Variants in TPI1 observed in about 807,000 individuals in gnomAD.
The protein encoded by TPI1 is triosephosphate isomerase 1.
In TPI1, 11 loss-of-function variants were observed where a neutral mutation model predicts 31.0. The observed-to-expected ratio is 0.36, with a 90% confidence interval of 0.22 to 0.59. The LOEUF is 0.59. Ranked by LOEUF, TPI1 falls within the 20% of genes least tolerant of loss-of-function variation. The pLI, the probability that TPI1 is intolerant of heterozygous loss-of-function variation, is 0.79. For missense variants in TPI1, 245 were observed against 319.7 expected (o/e 0.77, Z 1.78); for synonymous variants, 121 against 122.8 (o/e 0.99, Z 0.10).
rs183278961 is a variant in TPI1, at chr12:6,868,128, C to T, written c.115+447C>T. 4.3e-5 allele frequency: 55 copies of T among 1,270,914 alleles called. No individual in the cohort carries two copies. The East Asian group carries it at 2.9e-3, about 68-fold the overall frequency. The allele number at this position is 1,270,914 out of a possible 1,614,324, so 78.7% of individuals were successfully genotyped here. A position where few individuals can be genotyped will look rare whatever the true frequency, so the allele number is the denominator to read the frequency against. On this transcript the variant is annotated intron_variant, in intron 1 of 6. Transcript: ENST00000396705. ...TCCTCCCCTTCCTCGCCGGCGTCCG[C>T]GTCCCCGCGCCGAGCTGCTCGGGCT...
Position 6,868,022 on chromosome 12 carries a change from G to A in TPI1, c.115+341G>A, listed in dbSNP as rs1266276295. 9.7e-5 allele frequency: 115 copies of A among 1,186,726 alleles called. 1 individual carries two copies. Among genetic ancestry groups the A allele is most frequent in the Non-Finnish European group, 1.2e-4 (108 of 931,666 alleles). 73.5% of individuals were successfully genotyped at this position (1,186,726 alleles called of 1,614,324 possible). The stretch of plus-strand genomic sequence containing the variant: ...GGAGCCCGAGGCTCTGCGGGAGACC[G>A]GGGGAGGCTGGGCCGCGTGGGCTTC... On this transcript the variant is annotated intron_variant, in intron 1 of 6. Coordinates refer to ENST00000396705, the MANE Select transcript of TPI1 (RefSeq NM_000365.6).
At chr12:6,869,030 CT>C in intron 2 of TPI1, 43 bp downstream of exon 2, 1 of 1,614,172 alleles carries the variant, frequency 6.2e-7, no homozygotes, top group South Asian at 1.1e-5. Flanking sequence ...CCTTCCCTCA[CT>C]TTCCTCGTTG....
upstream of TPI1, chr12:6,867,428 G>T: frequency 6.8e-7 from 1 of 1,465,360 alleles, no homozygotes. Context: ...GCGGGCGGGG[G>T]GCAGGGCTCC....
In TPI1 at chr12:6,868,038, C is replaced by G. The variant is rs1299528654; in HGVS notation, c.115+357C>G. ...CGGGAGACCGGGGGAGGCTGGGCCG[C>G]GTGGGCTTCCCGCTCCCTGCGCCCT... On this transcript the variant is annotated intron_variant, in intron 1 of 6. Transcript: ENST00000396705. 7.4e-6 allele frequency: 9 copies of G among 1,221,008 alleles called. No homozygotes were observed. The African/African-American group carries it at 1.5e-4, about 20-fold the overall frequency. The allele number at this position is 1,221,008 out of a possible 1,614,324, so 75.6% of individuals were successfully genotyped here. A position where few individuals can be genotyped will look rare whatever the true frequency, so the allele number is the denominator to read the frequency against.
At chr12:6,868,600 A>C in intron 1 of TPI1, 3 of 1,343,766 alleles carry the variant, frequency 2.2e-6, no homozygotes, top group Non-Finnish European at 9.7e-7. Flanking sequence ...AGCTCGAGGA[A>C]ATTGGAGCCC....
chr12:6,870,911 G>GAAAA lies in TPI1; in HGVS notation c.*538_*541dup. Reference sequence around the variant, plus strand: ...GCTATATAAATGATCATTTGTGCAAGAAAAAAAAAAAAACAAGAACAGGTT... The same window carrying GAAAA: ...GCTATATAAATGATCATTTGTGCAAGAAAAAAAAAAAAAAAAACAAGAACAGGTT... On this transcript the variant is annotated 3_prime_UTR_variant, in exon 7 of 7. Transcript: ENST00000396705. The GAAAA allele has an allele frequency of 5.5e-6, 3 of 542,872 alleles. No homozygotes were observed. The highest frequency in any genetic ancestry group is 7.5e-5 in the East Asian group (2 of 26,782). 33.6% of individuals were successfully genotyped at this position (542,872 alleles called of 1,614,324 possible). A position where few individuals can be genotyped will look rare whatever the true frequency, so the allele number is the denominator to read the frequency against.
chr12:6,868,157 T>G, intron 1 of TPI1: 2 of 1,131,264 alleles, frequency 1.8e-6, no homozygotes, highest in Non-Finnish European at 2.2e-6. Flanking sequence ...TCGGGCTCCC[T>G]GAGCCCCAGA....
intron 1 of TPI1, chr12:6,868,026 G>A (rs147738509): frequency 2.8e-4 from 336 of 1,205,002 alleles, no homozygotes; most frequent in Non-Finnish European, 3.4e-4. Context: ...GAGACCGGGG[G>A]AGGCTGGGCC....
chr12:6,869,547 C>T, intron 4 of TPI1, 141 bp from the exon 5 acceptor site: 1 of 1,470,302 alleles, frequency 6.8e-7, no homozygotes, highest in Non-Finnish European at 9.5e-7. Context: ...ATGACTTCTC[C>T]AGCCCCAAGG....
intron 1 of TPI1, chr12:6,868,363 C>T: frequency 7.8e-7 from 1 of 1,287,990 alleles, no homozygotes; most frequent in Non-Finnish European, 1.0e-6. Context: ...CTCCTCCATC[C>T]TCCTTCCTCC....
chr12:6,870,716 C>T lies in TPI1; in HGVS notation c.*333C>T, dbSNP rs1804541. The T allele has an allele frequency of 1.8e-6, 1 of 562,694 alleles. No homozygotes were observed. Among genetic ancestry groups the T allele is most frequent in the East Asian group, 4.4e-5 (1 of 22,544 alleles). The allele number at this position is 562,694 out of a possible 1,614,324, so 34.9% of individuals were successfully genotyped here. A position where few individuals can be genotyped will look rare whatever the true frequency, so the allele number is the denominator to read the frequency against. On this transcript the variant is annotated 3_prime_UTR_variant, in exon 7 of 7. Transcript: ENST00000396705. ...AGAAACCATCCTCTCCCTTCTTACA[C>T]CGTGAGGCCAAGATCCCCTCAGAAG... is the stretch of plus-strand genomic sequence containing the variant.
Position 6,870,064 on chromosome 12 carries a change from G to T in TPI1, c.559G>T (p.Glu187Ter). 1 of 1,614,218 alleles carries T rather than the reference G, an allele frequency of 6.2e-7. No homozygotes were observed. Among genetic ancestry groups the T allele is most frequent in the South Asian group, 1.1e-5 (1 of 91,072 alleles). The change falls in exon 6 of 7, where the codon GAG becomes TAG. Residue 187 changes from glutamate to a stop codon, truncating the protein, a stop_gained. Transcript: ENST00000396705. LOFTEE classifies it high-confidence loss of function. ...CTTGTTCTAGGCCCAGGAAGTACAC[G>T]AGAAGCTCCGAGGATGGCTGAAGTC... ...ATPQQAQEVH[E>*]KLRGWLKSNV... is the part of the protein sequence containing the mutation.
intron 1 of TPI1, chr12:6,868,137 G>T (rs924329996): frequency 7.9e-7 from 1 of 1,260,866 alleles, no homozygotes; most frequent in Non-Finnish European, 1.0e-6. Flanking sequence ...GCGTCCCCGC[G>T]CCGAGCTGCT....
chr12:6,868,421 C>T, intron 1 of TPI1: 1 of 1,289,252 alleles, frequency 7.8e-7, no homozygotes, highest in Non-Finnish European at 1.0e-6. Flanking sequence ...GAGGCATCCC[C>T]TTCTCGTTCA....
In TPI1 at chr12:6,867,644, C is replaced by G; in HGVS notation, c.78C>G (p.Ile26Met). The change falls in exon 1 of 7, where the codon ATC (isoleucine) becomes ATG (methionine). Residue 26 changes from isoleucine (I) to methionine (M), a missense_variant. This residue lies in a region of TPI1 where 95 missense variants were observed against 96.4 expected (regional missense o/e 0.99). Transcript: ENST00000396705. ...NGRKQSLGEL[I>M]GTLNAAKVPA... ...GGAAGCAGAGTCTGGGGGAGCTCAT[C>G]GGCACTCTGAACGCGGCCAAGGTGC... 2 of 1,611,762 alleles carry G rather than the reference C, an allele frequency of 1.2e-6. No homozygotes were observed. Among genetic ancestry groups the G allele is most frequent in the Non-Finnish European group, 1.7e-6 (2 of 1,179,312 alleles).
At position 6,869,089 on chromosome 12, in the gene TPI1, C is replaced by A; in HGVS notation, c.240-10C>A. The A allele has an allele frequency of 6.2e-7, 1 of 1,614,206 alleles. No homozygotes were observed. On this transcript the variant is annotated splice_polypyrimidine_tract_variant and intron_variant, in intron 2 of 6. Transcript: ENST00000396705. The stretch of plus-strand genomic sequence containing the variant: ...TCCCTGCTGAACCTTGGCTTCATCT[C>A]TTCCTTTAGCCCTGGCATGATCAAA...
Position 6,870,514 on chromosome 12 carries a change from T to C in TPI1, c.*131T>C, listed in dbSNP as rs1944564324. Reference sequence around the variant, plus strand: ...CCTTCCTGTGGCCTCATCCAAACTGTATCTTCCTTTACTGTTTATATCTTC... The same window carrying C: ...CCTTCCTGTGGCCTCATCCAAACTGCATCTTCCTTTACTGTTTATATCTTC... On this transcript the variant is annotated 3_prime_UTR_variant, in exon 7 of 7. Transcript: ENST00000396705. The C allele has an allele frequency of 2.5e-6, 2 of 802,890 alleles. No individual in the cohort carries two copies. Among genetic ancestry groups the C allele is most frequent in the South Asian group, 1.3e-5 (1 of 74,240 alleles). The allele number at this position is 802,890 out of a possible 1,614,324, so 49.7% of individuals were successfully genotyped here. A position where few individuals can be genotyped will look rare whatever the true frequency, so the allele number is the denominator to read the frequency against.
intron 5 of TPI1, 25 bp from the exon 6 acceptor site, chr12:6,870,024 T>G (rs1944551904): frequency 6.2e-7 from 1 of 1,613,902 alleles, no homozygotes; most frequent in Non-Finnish European, 8.5e-7. Flanking sequence ...GAAAAGGTCT[T>G]ACTTAGGCCA....
Position 6,867,552 on chromosome 12 carries a change from C to A in TPI1, c.-15C>A, listed in dbSNP as rs782680893. 2.5e-6 allele frequency: 4 copies of A among 1,610,946 alleles called. No homozygotes were observed. Among genetic ancestry groups the A allele is most frequent in the African/African-American group, 1.3e-5 (1 of 74,826 alleles). Reference sequence around the variant, plus strand: ...GCGCGCAGACACTGACCTTCAGCGCCTCGGCTCCAGCGCCATGGCGCCCTC... The same window carrying A: ...GCGCGCAGACACTGACCTTCAGCGCATCGGCTCCAGCGCCATGGCGCCCTC... On this transcript the variant is annotated 5_prime_UTR_variant, in exon 1 of 7. Coordinates refer to ENST00000396705, the MANE Select transcript of TPI1 (RefSeq NM_000365.6).
Sources: allele counts gnomAD v4.1 joint callset, GRCh38; gene constraint gnomAD v4.1.1; regional missense constraint gnomAD v4.1.1; transcripts MANE v1.5; gene names NCBI Gene and HGNC (gene_info 2026-07-23, HGNC 2026-07-21).